The following BEND6 variants were observed in gnomAD, a reference collection of about 807,000 sequenced individuals.
BEND6 encodes the protein BEN domain containing 6.
BEND6 carries 24 observed loss-of-function variants against 31.8 expected under a neutral mutation model. The ratio of observed to expected loss-of-function variants is 0.75; its 90% CI spans 0.55 to 1.06. BEND6 has a LOEUF of 1.06. Ranked by LOEUF, BEND6 falls within the 50% of genes least tolerant of loss-of-function variation. The pLI is 0.00. For synonymous variants in BEND6, 109 were observed against 114.6 expected, an observed-to-expected ratio of 0.95 and a Z score of 0.31; for missense variants, 294 against 327.4, an observed-to-expected ratio of 0.90 and a Z score of 0.79.
chr6:57,019,870 G>A (rs1827682499), intron 6 of BEND6, among the ~76,000 whole-genome samples: 2 of 152,198 alleles, frequency 1.3e-5, no homozygotes, highest in Non-Finnish European at 2.9e-5. Flanking sequence ...GAGACAGACA[G>A]ATACTTGAGC....
At chr6:57,014,611 A>G (rs1827465161) in intron 3 of BEND6, 15 of 1,002,492 alleles carry the variant, frequency 1.5e-5, no homozygotes, top group Non-Finnish European at 2.1e-5. Context: ...CACAGGTTTG[A>G]ATTGTGGCAG....
intron 2 of BEND6, among the ~76,000 whole-genome samples, chr6:56,989,056 TAAC>T (rs1000683845): frequency 2.5e-4 from 38 of 151,118 alleles, no homozygotes; most frequent in Non-Finnish European, 5.2e-4. Context: ...AAATAAATAA[TAAC>T]AATAATAGTT....
At chr6:56,956,049 C>T (rs560522409) in intron 1 of BEND6, among the ~76,000 whole-genome samples, 1 of 152,392 alleles carries the variant, frequency 6.6e-6, no homozygotes, top group African/African-American at 2.4e-5. Context: ...AGCAGTCATT[C>T]TGCGGCATCT....
At chr6:56,985,601 G>A (rs1445099873) in intron 2 of BEND6, among the ~76,000 whole-genome samples, 1 of 152,164 alleles carries the variant, frequency 6.6e-6, no homozygotes, top group African/African-American at 2.4e-5. Flanking sequence ...TCCTATTGGA[G>A]GGAACTTAGT....
In BEND6 at chr6:56,955,108, ACAT is replaced by A. The variant is rs1370073554; in HGVS notation, c.-450_-448del. 1 of 150,054 alleles carries A rather than the reference ACAT, an allele frequency of 6.7e-6. No individual in the cohort carries two copies. The highest frequency in any genetic ancestry group is 2.4e-5 in the African/African-American group (1 of 41,188). The allele number at this position is 150,054 out of a possible 1,614,324, so 9.3% of individuals were successfully genotyped here. ...CGCCGCGGCGGGGGCTCGGCTGATG[ACAT>A]CACGGCCAGGCTGCGGCAGCGCGGG... is the stretch of plus-strand genomic sequence containing the variant. On this transcript the variant is annotated 5_prime_UTR_variant, in exon 1 of 7. Transcript: ENST00000370746.
At chr6:56,999,253 T>C (rs1443832861) in intron 3 of BEND6, among the ~76,000 whole-genome samples, 1 of 152,132 alleles carries the variant, frequency 6.6e-6, no homozygotes, top group Non-Finnish European at 1.5e-5. Context: ...CAGAGATTCA[T>C]GGAGATTCTG....
At chr6:57,003,065 T>G (rs551420620) in intron 3 of BEND6, among the ~76,000 whole-genome samples, 3 of 152,300 alleles carry the variant, frequency 2.0e-5, no homozygotes, top group African/African-American at 7.2e-5. Context: ...CCTCAGAGAC[T>G]ATTATGAACA....
At chr6:57,023,851 A>G (rs1394605148) in intron 6 of BEND6, among the ~76,000 whole-genome samples, 2 of 152,164 alleles carry the variant, frequency 1.3e-5, no homozygotes, top group Non-Finnish European at 2.9e-5. Context: ...TGTAGCTTGT[A>G]TATTTTCTAA....
intron 1 of BEND6, among the ~76,000 whole-genome samples, chr6:56,963,127 G>A (rs562111184): frequency 6.6e-6 from 1 of 152,248 alleles, no homozygotes; most frequent in African/African-American, 2.4e-5. Context: ...AACCATTCCT[G>A]TTGCATGTTT....
intron 3 of BEND6, chr6:57,008,613 G>C (rs1827243665): frequency 5.9e-6 from 1 of 168,844 alleles, no homozygotes; most frequent in South Asian, 1.9e-4. Context: ...GATCTGAACA[G>C]ATATTTCTCA....
intron 1 of BEND6, among the ~76,000 whole-genome samples, chr6:56,971,176 G>A (rs79426062): frequency 0.056 from 8,537 of 152,000 alleles, 465 homozygotes; most frequent in African/African-American, 0.14. Flanking sequence ...TCTACTTTCC[G>A]TCTCTATGAA....
At position 56,992,478 on chromosome 6, in the gene BEND6, TA is replaced by T; in HGVS notation, c.226del (p.Ser76AlafsTer2). The T allele has an allele frequency of 6.2e-7, 1 of 1,613,900 alleles. No homozygotes were observed. Among genetic ancestry groups the T allele is most frequent in the South Asian group, 1.1e-5 (1 of 91,072 alleles). On this transcript the variant is annotated frameshift_variant, in exon 3 of 7. Transcript: ENST00000370746. LOFTEE classifies it high-confidence loss of function. ...ELSKEELCAK[I>X]KSLKEKLTNT... Reference sequence around the variant, plus strand: ...TCAAAGGAAGAATTGTGCGCCAAAATAAAAAGCCTGAAAGAAAAACTAACAA... The same window carrying T: ...TCAAAGGAAGAATTGTGCGCCAAAATAAAAGCCTGAAAGAAAAACTAACAA...
intron 2 of BEND6, among the ~76,000 whole-genome samples, chr6:56,986,646 T>TAAA (rs1446318934): frequency 1.3e-5 from 2 of 152,202 alleles, no homozygotes; most frequent in Non-Finnish European, 2.9e-5. Context: ...TATTATTATT[T>TAAA]AAGTCACTTC....
chr6:56,993,451 G>A (rs1052248544), intron 3 of BEND6, among the ~76,000 whole-genome samples: 3 of 152,178 alleles, frequency 2.0e-5, no homozygotes, highest in African/African-American at 7.2e-5. Flanking sequence ...TCACATGGTA[G>A]CAACCTACCC....
At chr6:56,997,302 C>T (rs1401164373) in intron 3 of BEND6, among the ~76,000 whole-genome samples, 1 of 152,182 alleles carries the variant, frequency 6.6e-6, no homozygotes, top group African/African-American at 2.4e-5. Context: ...TTCCTCCCAT[C>T]TAAAATTTCA....
intron 3 of BEND6, chr6:57,008,293 CTAT>C (rs1352079896): frequency 1.0e-5 from 7 of 700,334 alleles, no homozygotes; most frequent in Non-Finnish European, 1.6e-5. Flanking sequence ...AAGACTGTCT[CTAT>C]TATTTTGGCT....
At chr6:56,988,869 A>C (rs1019652981) in intron 2 of BEND6, among the ~76,000 whole-genome samples, 1 of 152,028 alleles carries the variant, frequency 6.6e-6, no homozygotes, top group African/African-American at 2.4e-5. Context: ...TCTCTACTAA[A>C]TGTACAAAAA....
At chr6:57,010,446 A>G (rs1053774698) in intron 3 of BEND6, 3 of 153,988 alleles carry the variant, frequency 1.9e-5, no homozygotes, top group African/African-American at 4.8e-5. Flanking sequence ...TTTAAACGAT[A>G]TTAAAAAACT....
intron 1 of BEND6, among the ~76,000 whole-genome samples, chr6:56,961,169 G>A (rs1405965181): frequency 6.6e-6 from 1 of 152,164 alleles, no homozygotes; most frequent in Admixed American, 6.5e-5. Flanking sequence ...AGGTACTGAG[G>A]CTTCTGAACT....
Sources: allele counts gnomAD v4.1 joint callset (sites outside exome capture counted in the v4.1 genomes callset), GRCh38; gene constraint gnomAD v4.1.1; transcripts MANE v1.5; gene names NCBI Gene and HGNC (gene_info 2026-07-23, HGNC 2026-07-21).